MAPRE2: variants seen among roughly 807,000 people sequenced by gnomAD.
The protein encoded by MAPRE2 is microtubule-associated protein RP/EB family member 2.
Under a neutral mutation model 43.2 loss-of-function variants are expected in MAPRE2, and 13 were observed. The ratio of observed to expected loss-of-function variants is 0.30; its 90% CI spans 0.20 to 0.48. The LOEUF (loss-of-function observed/expected upper bound fraction) is 0.48. Among genes scored for constraint, MAPRE2 ranks in the 20% least tolerant of loss-of-function variants. MAPRE2 has a pLI of 0.99. For synonymous variants in MAPRE2, 135 were observed against 148.8 expected (o/e 0.91, Z 0.68); for missense variants, 161 against 400.2 (o/e 0.40, Z 5.10).
chr18:35,125,548 C>T (rs989256978), intron 4 of MAPRE2, among the ~76,000 whole-genome samples: 7 of 152,210 alleles, frequency 4.6e-5, no homozygotes, highest in Non-Finnish European at 1.0e-4. Flanking sequence ...GGAATTAGGC[C>T]AGTGGGAGCA....
Position 35,097,545 on chromosome 18 carries a change from A to G in MAPRE2, c.350A>G (p.Asn117Ser), listed in dbSNP as rs752927476. ...AAGCTGGAACATGAATATATTCACA[A>G]TTTTAAACTTCTGCAAGCATCATTT... ...QAKLEHEYIH[N>S]FKLLQASFKR... is the part of the protein sequence containing the mutation. Residue 117 changes from asparagine to serine, a missense_variant, in exon 3 of 7, where the codon AAT becomes AGT. Asn to Ser is a conservative substitution (Grantham distance 46, BLOSUM62 1). Coordinates refer to ENST00000300249, the MANE Select transcript of MAPRE2 (RefSeq NM_014268.4). The G allele has an allele frequency of 6.2e-7, 1 of 1,613,728 alleles. No homozygotes were observed. The highest frequency in any genetic ancestry group is 8.5e-7 in the Non-Finnish European group (1 of 1,179,778).
chr18:35,056,039 T>C (rs1372075469), intron 1 of MAPRE2, among the ~76,000 whole-genome samples: 1 of 152,076 alleles, frequency 6.6e-6, no homozygotes, highest in South Asian at 2.1e-4. Flanking sequence ...TTTAATTTTA[T>C]TTTTTATCTG....
At chr18:35,021,596 T>G (rs2097041974) in intron 2 of MAPRE2, among the ~76,000 whole-genome samples, 1 of 152,060 alleles carries the variant, frequency 6.6e-6, no homozygotes, top group Admixed American at 6.6e-5. Context: ...AAAAAAGAGT[T>G]GCTATGAATA....
intron 1 of MAPRE2, among the ~76,000 whole-genome samples, chr18:34,977,760 C>G (rs1404020391): frequency 6.6e-6 from 1 of 152,172 alleles, no homozygotes; most frequent in African/African-American, 2.4e-5. Context: ...CAGGGAGCCC[C>G]GGGAGCGCAG....
intron 2 of MAPRE2, among the ~76,000 whole-genome samples, chr18:35,027,174 C>G (rs555726835): frequency 6.6e-6 from 1 of 152,174 alleles, no homozygotes; most frequent in African/African-American, 2.4e-5. Context: ...CTCTCCCATC[C>G]CACAGGTTTT....
chr18:35,103,536 CA>C (rs757870131), intron 4 of MAPRE2, among the ~76,000 whole-genome samples: 23 of 152,078 alleles, frequency 1.5e-4, no homozygotes, highest in Non-Finnish European at 3.4e-4. Flanking sequence ...GGGTGGTGCA[CA>C]TGTGTGTCTG....
At chr18:35,073,230 T>C (rs953689414) in intron 2 of MAPRE2, among the ~76,000 whole-genome samples, 2 of 152,196 alleles carry the variant, frequency 1.3e-5, no homozygotes, top group Admixed American at 6.5e-5. Flanking sequence ...AGTTTCCTTG[T>C]TCATAATTTA....
At chr18:35,008,566 A>AT (rs1170224979) in intron 2 of MAPRE2, among the ~76,000 whole-genome samples, 1 of 152,204 alleles carries the variant, frequency 6.6e-6, no homozygotes. Context: ...CATCAGAACT[A>AT]TTATTGGAAT....
chr18:35,076,062 CT>C (rs1907336866), intron 2 of MAPRE2, among the ~76,000 whole-genome samples: 1 of 152,222 alleles, frequency 6.6e-6, no homozygotes, highest in African/African-American at 2.4e-5. Context: ...TATGCATTCA[CT>C]TTCATTTACC....
intron 1 of MAPRE2, among the ~76,000 whole-genome samples, chr18:35,056,914 G>A (rs546696242): frequency 1.2e-4 from 18 of 152,278 alleles, no homozygotes; most frequent in African/African-American, 4.1e-4. Flanking sequence ...GCATAGCGCT[G>A]CAGAATCTAA....
intron 1 of MAPRE2, among the ~76,000 whole-genome samples, chr18:35,051,138 A>G (rs1223225481): frequency 6.6e-6 from 1 of 152,120 alleles, no homozygotes; most frequent in Non-Finnish European, 1.5e-5. Context: ...GCCAGCCTCT[A>G]GAGAGAGTTT....
At chr18:35,011,851 T>A (rs926680421) in intron 2 of MAPRE2, among the ~76,000 whole-genome samples, 1 of 152,006 alleles carries the variant, frequency 6.6e-6, no homozygotes, top group Non-Finnish European at 1.5e-5. Context: ...GTGCTTGCTA[T>A]GTGTTAAATG....
At chr18:35,108,066 T>C (rs1052539504) in intron 4 of MAPRE2, among the ~76,000 whole-genome samples, 8 of 151,842 alleles carry the variant, frequency 5.3e-5, no homozygotes, top group African/African-American at 1.9e-4. Flanking sequence ...CATAGGTATA[T>C]GTGTGCCATG....
intron 6 of MAPRE2, among the ~76,000 whole-genome samples, chr18:35,138,787 A>G (rs541101919): frequency 6.6e-6 from 1 of 152,186 alleles, no homozygotes; most frequent in Non-Finnish European, 1.5e-5. Flanking sequence ...TTCTAGACCC[A>G]AACCCACACG....
At chr18:35,010,880 G>A (rs192350467) in intron 2 of MAPRE2, among the ~76,000 whole-genome samples, 92 of 152,250 alleles carry the variant, frequency 6.0e-4, no homozygotes, top group Non-Finnish European at 1.2e-3. Context: ...AAGAAAATAT[G>A]GCTAAATGTT....
At chr18:34,999,670 A>G (rs2097028345) in intron 1 of MAPRE2, among the ~76,000 whole-genome samples, 2 of 152,168 alleles carry the variant, frequency 1.3e-5, no homozygotes. Context: ...ATTTTTTTGA[A>G]GTCCTTAAAT....
intron 1 of MAPRE2, among the ~76,000 whole-genome samples, chr18:35,002,102 C>T (rs1263601930): frequency 6.6e-6 from 1 of 152,174 alleles, no homozygotes; most frequent in Non-Finnish European, 1.5e-5. Flanking sequence ...CCCTCACCCC[C>T]TCCTCTTAAC....
At chr18:35,011,745 A>G (rs1370062367) in intron 2 of MAPRE2, among the ~76,000 whole-genome samples, 1 of 152,136 alleles carries the variant, frequency 6.6e-6, no homozygotes, top group African/African-American at 2.4e-5. Flanking sequence ...AAAAAAAAGG[A>G]AAAAAACCAC....
intron 3 of MAPRE2, among the ~76,000 whole-genome samples, chr18:35,100,302 TAAAA>T (rs1908616391): frequency 2.0e-5 from 3 of 152,190 alleles, no homozygotes; most frequent in African/African-American, 7.2e-5. Flanking sequence ...TGGCTATTAC[TAAAA>T]AGTCAAAAAA....
Sources: allele counts gnomAD v4.1 joint callset (sites outside exome capture counted in the v4.1 genomes callset), GRCh38; gene constraint gnomAD v4.1.1; transcripts MANE v1.5; gene names NCBI Gene and HGNC (gene_info 2026-07-23, HGNC 2026-07-21).